The following CFH variants were observed in gnomAD, a reference collection of about 807,000 sequenced individuals.
The protein encoded by CFH is complement factor H.
CFH carries 53 observed loss-of-function variants against 147.3 expected under a neutral mutation model. The observed-to-expected ratio is 0.36, with a 90% CI of 0.29 to 0.45. The LOEUF is 0.45. Among genes scored for constraint, CFH ranks in the 20% least tolerant of loss-of-function variants. The pLI is 1.00. For synonymous variants in CFH, 536 were observed against 489.4 expected (o/e 1.10, Z -1.26); for missense variants, 1,380 against 1,498.0 (o/e 0.92, Z 1.30).
At position 196,728,352 on chromosome 1, in the gene CFH, ATAAACT is replaced by A. The variant is rs1310725630; in HGVS notation, c.2247_2252del (p.Leu750_Lys751del). 10 of 1,482,014 alleles carry A rather than the reference ATAAACT, an allele frequency of 6.7e-6. No homozygotes were observed. Among genetic ancestry groups the A allele is most frequent in the African/African-American group, 1.4e-5 (1 of 70,256 alleles). The allele number at this position is 1,482,014 out of a possible 1,614,324, so 91.8% of individuals were successfully genotyped here. A position where few individuals can be genotyped will look rare whatever the true frequency, so the allele number is the denominator to read the frequency against. On this transcript the variant is annotated inframe_deletion, in exon 15 of 22. Coordinates refer to ENST00000367429, the MANE Select transcript of CFH (RefSeq NM_000186.4). ...AAATATATTTATTTTATAGCAATAGATAAACTTAAGAAGTGCAAATCATCAAATTTA... is the reference window on the plus strand; with the variant it reads ...AAATATATTTATTTTATAGCAATAGATAAGAAGTGCAAATCATCAAATTTA...
At chr1:196,676,159 ATTTT>A in intron 4 of CFH, 94 bp downstream of exon 4, 2 of 722,916 alleles carry the variant, frequency 2.8e-6, no homozygotes, top group Non-Finnish European at 4.4e-6. Flanking sequence ...TCTATTAAAT[ATTTT>A]TATTTAATGT....
At chr1:196,717,935 G>A (rs1184044478) in intron 11 of CFH, among the ~76,000 whole-genome samples, 1 of 152,114 alleles carries the variant, frequency 6.6e-6, no homozygotes, top group Admixed American at 6.6e-5. Context: ...GAAAATGGTA[G>A]AAGCTGATGG....
intron 9 of CFH, among the ~76,000 whole-genome samples, chr1:196,702,085 A>G (rs1396298062): frequency 6.6e-6 from 1 of 152,164 alleles, no homozygotes; most frequent in Non-Finnish European, 1.5e-5. Context: ...TAAGAAATTA[A>G]AGACTGTTTG....
rs121913062 is a variant in CFH at position 196,743,552 on chromosome 1, G to T, written c.3234G>T (p.Arg1078Ser). The change falls in exon 20 of 22, where the codon AGG (arginine) becomes AGT (serine). Residue 1078 changes from arginine (R) to serine (S), a missense_variant. Arg to Ser is a moderately radical substitution (Grantham distance 110). This residue lies in a region of CFH where 830 missense variants were observed against 821.4 expected (regional missense o/e 1.01). Coordinates refer to ENST00000367429, the MANE Select transcript of CFH (RefSeq NM_000186.4). Reference sequence around the variant, plus strand: ...GTGAGAGAGTACGTTATCAATGTAGGAGCCCTTATGAAATGTTTGGGGATG... The same window carrying T: ...GTGAGAGAGTACGTTATCAATGTAGTAGCCCTTATGAAATGTTTGGGGATG... Reference protein sequence around the residue: ...PSGERVRYQCRSPYEMFGDEE... With the variant: ...PSGERVRYQCSSPYEMFGDEE... The T allele has an allele frequency of 6.6e-5, 106 of 1,613,938 alleles. No homozygotes were observed. Among genetic ancestry groups the T allele is most frequent in the Non-Finnish European group, 8.4e-5 (99 of 1,179,950 alleles).
chr1:196,714,704 G>C (rs1459770070), intron 10 of CFH, among the ~76,000 whole-genome samples: 1 of 133,918 alleles, frequency 7.5e-6, no homozygotes, highest in Non-Finnish European at 1.6e-5. Flanking sequence ...GAGAGAGAGA[G>C]AGAGAGAGAG....
intron 11 of CFH, among the ~76,000 whole-genome samples, chr1:196,722,113 T>G (rs1011255588): frequency 6.6e-6 from 1 of 152,050 alleles, no homozygotes; most frequent in African/African-American, 2.4e-5. Context: ...TGGTTTGTAG[T>G]CCCAACTGTG....
intron 11 of CFH, among the ~76,000 whole-genome samples, chr1:196,721,162 CTTG>C (rs1248323967): frequency 2.0e-5 from 3 of 147,330 alleles, no homozygotes; most frequent in African/African-American, 7.5e-5. Context: ...ATTTTTTTTT[CTTG>C]TTGTGTTGTT....
chr1:196,654,105 TACTC>T (rs1251107211), intron 1 of CFH, among the ~76,000 whole-genome samples: 54 of 152,186 alleles, frequency 3.5e-4, no homozygotes, highest in African/African-American at 1.2e-3. Flanking sequence ...TCATGAAAAA[TACTC>T]ACATATATTT....
Position 196,737,021 on chromosome 1 carries a change from A to C in CFH, c.2596+15A>C, listed in dbSNP as rs1369022798. 6.2e-7 allele frequency: 1 copy of C among 1,600,928 alleles called. No individual in the cohort carries two copies. Among genetic ancestry groups the C allele is most frequent in the East Asian group, 2.3e-5 (1 of 44,420 alleles). On this transcript the variant is annotated intron_variant, in intron 16 of 21. Coordinates refer to ENST00000367429, the MANE Select transcript of CFH (RefSeq NM_000186.4). ...ACTCTGTGTTGGTCAGTAGTGTATAATTTGTTTTACATAATTCTTTCAAAT... is the reference window on the plus strand; with the variant it reads ...ACTCTGTGTTGGTCAGTAGTGTATACTTTGTTTTACATAATTCTTTCAAAT...
intron 1 of CFH, among the ~76,000 whole-genome samples, chr1:196,658,407 A>T (rs1482751010): frequency 3.3e-5 from 3 of 92,252 alleles, no homozygotes; most frequent in Admixed American, 2.6e-4. Context: ...TGCTCAGGTA[A>T]TTTTTTTTTT....
chr1:196,681,874 C>G (rs1399693086), intron 6 of CFH, among the ~76,000 whole-genome samples: 1 of 151,720 alleles, frequency 6.6e-6, no homozygotes. Context: ...AAGCAAGGAT[C>G]TACTTGCTGA....
chr1:196,726,195 A>T (rs527324283), intron 12 of CFH, among the ~76,000 whole-genome samples: 47 of 152,226 alleles, frequency 3.1e-4, no homozygotes, highest in Non-Finnish European at 4.6e-4. Flanking sequence ...TGTAAAAATT[A>T]ACATGATTTT....
chr1:196,714,668 T>TATATATATATATAGAG (rs1362376856), intron 10 of CFH, among the ~76,000 whole-genome samples: 1 of 21,312 alleles, frequency 4.7e-5, no homozygotes, highest in Non-Finnish European at 8.4e-5. Context: ...TATATATATA[T>TATATATATATATAGAG]AGAGAGAGAG....
chr1:196,688,730 C>T (rs1436999182), intron 7 of CFH, among the ~76,000 whole-genome samples: 1 of 152,224 alleles, frequency 6.6e-6, no homozygotes, highest in East Asian at 1.9e-4. Context: ...CCTGCCTCTG[C>T]TTTCTAAGTA....
At chr1:196,673,459 C>G (rs1573009372) in intron 2 of CFH, 2 of 402,838 alleles carry the variant, frequency 5.0e-6, no homozygotes, top group South Asian at 2.3e-5. Flanking sequence ...GCCTCAACTT[C>G]CCGAGTAGCT....
At chr1:196,735,415 A>C (rs1669377085) in intron 15 of CFH, among the ~76,000 whole-genome samples, 1 of 152,140 alleles carries the variant, frequency 6.6e-6, no homozygotes, top group African/African-American at 2.4e-5. Flanking sequence ...ATGTAGAATT[A>C]GGCTATACTG....
chr1:196,698,528 G>C (rs1382711301), intron 9 of CFH, among the ~76,000 whole-genome samples: 1 of 152,108 alleles, frequency 6.6e-6, no homozygotes. Flanking sequence ...GCAGAAGAAA[G>C]AAGTCAAAAC....
chr1:196,675,704 A>G (rs1253495101), intron 3 of CFH, among the ~76,000 whole-genome samples: 4 of 152,140 alleles, frequency 2.6e-5, no homozygotes, highest in Non-Finnish European at 4.4e-5. Flanking sequence ...CAGTCCATGC[A>G]CCAAGAAGGA....
At chr1:196,742,099 G>T in intron 19 of CFH, 48 bp downstream of exon 19, 1 of 1,580,082 alleles carries the variant, frequency 6.3e-7, no homozygotes, top group South Asian at 1.1e-5. Flanking sequence ...TGTGGGCCCA[G>T]CCCAGTGGCT....
Sources: gnomAD v4.1 joint callset for allele counts (sites outside exome capture counted in the v4.1 genomes callset) on GRCh38, gnomAD v4.1.1 for gene constraint, gnomAD v4.1.1 regional missense constraint, MANE v1.5 for transcripts, NCBI Gene and HGNC (gene_info 2026-07-23, HGNC 2026-07-21) for gene names.